The following DNAH7 variants were observed in gnomAD, a reference collection of about 807,000 sequenced individuals.
DNAH7 encodes the protein dynein axonemal heavy chain 7.
Under a neutral mutation model 444.6 loss-of-function variants are expected in DNAH7, and 397 were observed. That is an observed-to-expected ratio of 0.89 (90% CI 0.82 to 0.97). The LOEUF (loss-of-function observed/expected upper bound fraction) is 0.97. Among genes scored for constraint, DNAH7 ranks in the 50% least tolerant of loss-of-function variants. The pLI, the probability that DNAH7 is intolerant of heterozygous loss-of-function variation, is 0.00. For synonymous variants in DNAH7, 1,636 were observed against 1,624.4 expected, an observed-to-expected ratio of 1.01 and a Z score of -0.17; for missense variants, 4,902 against 4,800.8, an observed-to-expected ratio of 1.02 and a Z score of -0.62.
At chr2:195,980,343 C>T (rs1231339048) in intron 15 of DNAH7, among the ~76,000 whole-genome samples, 1 of 152,124 alleles carries the variant, frequency 6.6e-6, no homozygotes, top group Non-Finnish European at 1.5e-5. Context: ...GTTTGCTTTC[C>T]CTTCTGCCAT....
At chr2:195,771,398 T>C (rs1559084027) in intron 61 of DNAH7, among the ~76,000 whole-genome samples, 1 of 152,030 alleles carries the variant, frequency 6.6e-6, no homozygotes, top group East Asian at 1.9e-4. Context: ...GGCTCATTCC[T>C]TACCACACTG....
At chr2:195,778,618 G>GGAA (rs1365539221) in intron 58 of DNAH7, among the ~76,000 whole-genome samples, 1,357 of 21,642 alleles carry the variant, frequency 0.063, 97 homozygotes, top group African/African-American at 0.084. Flanking sequence ...GACCCTGTCT[G>GGAA]AAAAAAAAAA....
intron 58 of DNAH7, among the ~76,000 whole-genome samples, chr2:195,778,639 A>AAAAAAAT (rs1559089662): frequency 9.7e-5 from 5 of 51,712 alleles, no homozygotes; most frequent in Admixed American, 4.9e-4. Context: ...AAAATAAATA[A>AAAAAAAT]ATAAATATAT....
chr2:195,817,937 G>T, intron 49 of DNAH7, 108 bp from the exon 50 acceptor site: 2 of 731,462 alleles, frequency 2.7e-6, no homozygotes, highest in Non-Finnish European at 4.1e-6. Context: ...ACTATATATG[G>T]TAGTACTTGT....
At position 195,960,617 on chromosome 2, in the gene DNAH7, C is replaced by G; in HGVS notation, c.2534G>C (p.Cys845Ser). Residue 845 changes from cysteine (C) to serine (S), a missense_variant, in exon 18 of 65, where the codon TGT becomes TCT. Coordinates refer to ENST00000312428, the MANE Select transcript of DNAH7 (RefSeq NM_018897.3). Reference protein sequence around the residue: ...KQHIPLIQVICNPGLRPRHWE... With the variant: ...KQHIPLIQVISNPGLRPRHWE... ...GTGCCTGGGGCGCAAACCAGGATTA[C>G]AGATCACTTGAATGAGAGGAATGTG... 6.2e-7 allele frequency: 1 copy of G among 1,614,240 alleles called. No individual in the cohort carries two copies. The highest frequency in any genetic ancestry group is 8.5e-7 in the Non-Finnish European group (1 of 1,180,040).
chr2:195,910,312 T>C (rs1559213686), intron 24 of DNAH7, 117 bp from the exon 25 acceptor site: 1 of 813,272 alleles, frequency 1.2e-6, no homozygotes, highest in Non-Finnish European at 1.8e-6. Context: ...TCTTTGATAA[T>C]TTCTTCCTTC....
rs1393407867 is a variant in DNAH7 at position 195,957,463 on chromosome 2, CA to C, written c.2892-17del. 6.7e-7 allele frequency: 1 copy of C among 1,499,148 alleles called. No individual in the cohort carries two copies. The highest frequency in any genetic ancestry group is 1.4e-5 in the African/African-American group (1 of 72,154). 92.9% of individuals were successfully genotyped at this position (1,499,148 alleles called of 1,614,324 possible). A position where few individuals can be genotyped will look rare whatever the true frequency, so the allele number is the denominator to read the frequency against. On this transcript the variant is annotated splice_polypyrimidine_tract_variant and intron_variant, in intron 18 of 64. Coordinates refer to ENST00000312428, the MANE Select transcript of DNAH7 (RefSeq NM_018897.3). ...CTCCCATTCTCTGAGGAGCAAAACA[CA>C]GTGGCTCTTACTGACAGCAAACCAA... is the stretch of plus-strand genomic sequence containing the variant.
At chr2:195,847,653 A>C (rs1420661094) in intron 46 of DNAH7, among the ~76,000 whole-genome samples, 1 of 152,174 alleles carries the variant, frequency 6.6e-6, no homozygotes, top group Non-Finnish European at 1.5e-5. Context: ...AGTTAAAAAA[A>C]AAACAAAAAA....
chr2:195,897,944 T>G (rs1382173495), intron 28 of DNAH7, among the ~76,000 whole-genome samples, 179 bp from the exon 29 acceptor site: 2 of 146,026 alleles, frequency 1.4e-5, no homozygotes, highest in African/African-American at 2.8e-5. Flanking sequence ...ACTTGTTGTG[T>G]TTTTTTTTAC....
At chr2:195,892,943 CTTTT>C (rs959930856) in intron 30 of DNAH7, 1 of 150,068 alleles carries the variant, frequency 6.7e-6, no homozygotes, top group Non-Finnish European at 1.5e-5. Flanking sequence ...GAATATTAAC[CTTTT>C]TTTTTCTTTT....
At chr2:195,993,024 G>A (rs910656597) in intron 12 of DNAH7, among the ~76,000 whole-genome samples, 6 of 152,154 alleles carry the variant, frequency 3.9e-5, no homozygotes, top group Admixed American at 1.3e-4. Flanking sequence ...TTTCTCCCTA[G>A]AGGCCTCTCC....
At chr2:195,748,576 C>A (rs1005977830) in intron 63 of DNAH7, among the ~76,000 whole-genome samples, 2 of 152,216 alleles carry the variant, frequency 1.3e-5, no homozygotes, top group African/African-American at 2.4e-5. Flanking sequence ...CACTACCTGA[C>A]TTCAAACTAT....
At chr2:196,019,363 G>T in intron 8 of DNAH7, 68 bp from the exon 9 acceptor site, 3 of 1,241,190 alleles carry the variant, frequency 2.4e-6, no homozygotes, top group Non-Finnish European at 3.2e-6. Flanking sequence ...GTACATTTTG[G>T]GTAATAATTA....
chr2:196,007,905 C>T (rs1694481586), intron 10 of DNAH7, among the ~76,000 whole-genome samples: 1 of 151,980 alleles, frequency 6.6e-6, no homozygotes, highest in East Asian at 1.9e-4. Context: ...CCAAAAGGCA[C>T]AAACAACCAA....
chr2:195,737,787 C>T lies in DNAH7; in HGVS notation c.*134G>A. The T allele has an allele frequency of 1.3e-6, 1 of 744,704 alleles. No individual in the cohort carries two copies. The highest frequency in any genetic ancestry group is 2.1e-6 in the Non-Finnish European group (1 of 468,128). The allele number at this position is 744,704 out of a possible 1,614,324, so 46.1% of individuals were successfully genotyped here. On this transcript the variant is annotated 3_prime_UTR_variant, in exon 65 of 65. Coordinates refer to ENST00000312428, the MANE Select transcript of DNAH7 (RefSeq NM_018897.3). Reference sequence around the variant, plus strand: ...CATATTAAGTTTAGCTGCATTTGCTCATAAGTAAATTCATAATTATAACTT... The same window carrying T: ...CATATTAAGTTTAGCTGCATTTGCTTATAAGTAAATTCATAATTATAACTT...
At chr2:195,770,205 T>C (rs1694769580) in intron 61 of DNAH7, among the ~76,000 whole-genome samples, 1 of 152,200 alleles carries the variant, frequency 6.6e-6, no homozygotes, top group Admixed American at 6.5e-5. Flanking sequence ...TTCTCAATCA[T>C]ATCATTGGTC....
chr2:195,829,428 T>G (rs1432807529), intron 48 of DNAH7, among the ~76,000 whole-genome samples: 1 of 152,118 alleles, frequency 6.6e-6, no homozygotes, highest in African/African-American at 2.4e-5. Flanking sequence ...TTTATGGCAC[T>G]GAAAACAACT....
At chr2:195,794,614 G>T in intron 56 of DNAH7, 76 bp from the exon 57 acceptor site, 1 of 1,360,132 alleles carries the variant, frequency 7.4e-7, no homozygotes, top group Non-Finnish European at 1.0e-6. Flanking sequence ...TATGAAGGAT[G>T]AGTTGGAAGG....
In DNAH7 at chr2:196,005,275, A is replaced by AAAAC. The variant is rs757539066; in HGVS notation, c.990-3421_990-3418dup. 2.3e-3 allele frequency among the ~76,000 whole-genome samples: 349 copies of AAAAC among 149,074 alleles called. 1 individual carries two copies. The highest frequency in any genetic ancestry group is 4.6e-3 in the South Asian group (22 of 4,800). ...GGTGACAGGGCAAGACTCCATCTCC[A>AAAAC]AAACAAACAAACAAACAAACAAACA... On this transcript the variant is annotated intron_variant, in intron 10 of 64. Coordinates refer to ENST00000312428, the MANE Select transcript of DNAH7 (RefSeq NM_018897.3).
Sources: allele counts gnomAD v4.1 joint callset (sites outside exome capture counted in the v4.1 genomes callset), GRCh38; gene constraint gnomAD v4.1.1; transcripts MANE v1.5; gene names NCBI Gene and HGNC (gene_info 2026-07-23, HGNC 2026-07-21).